OSBPL5: variants seen among roughly 807,000 people sequenced by gnomAD.
The protein encoded by OSBPL5 is oxysterol binding protein like 5.
OSBPL5 carries 71 observed loss-of-function variants against 111.2 expected under a neutral mutation model. The observed-to-expected ratio is 0.64, with a 90% CI of 0.53 to 0.78. The LOEUF is 0.78. Ranked by LOEUF, OSBPL5 falls within the 30% of genes least tolerant of loss-of-function variation. The pLI, the probability that OSBPL5 is intolerant of heterozygous loss-of-function variation, is 0.00. For missense variants in OSBPL5, 1,210 were observed against 1,189.3 expected, an observed-to-expected ratio of 1.02 and a Z score of -0.26; for synonymous variants, 549 against 513.9, an observed-to-expected ratio of 1.07 and a Z score of -0.93.
intron 21 of OSBPL5, among the ~76,000 whole-genome samples, chr11:3,089,452 C>G (rs1416536559): frequency 2.0e-5 from 3 of 152,324 alleles, no homozygotes; most frequent in Admixed American, 6.5e-5. Context: ...CCTTCCCCAG[C>G]CATTCCTGAG....
rs143074142 is a variant in OSBPL5 at position 3,108,530 on chromosome 11, C to T, written c.692-585G>A. Among the ~76,000 whole-genome samples the T allele has an allele frequency of 2.4e-3, 365 of 152,264 alleles. 3 individuals carry two copies. Among genetic ancestry groups the T allele is most frequent in the Middle Eastern group, 0.017 (5 of 294 alleles). ...GGGAGGAGACCTGCCTGAGGCCGCC[C>T]AGAGGCTCTGTGGGCAGCGGTGGAG... On this transcript the variant is annotated intron_variant, in intron 7 of 21. Coordinates refer to ENST00000263650, the MANE Select transcript of OSBPL5 (RefSeq NM_020896.4).
intron 11 of OSBPL5, 111 bp from the exon 12 acceptor site, chr11:3,102,392 G>T: frequency 1.0e-6 from 1 of 962,950 alleles, no homozygotes; most frequent in Non-Finnish European, 1.6e-6. Flanking sequence ...CCCGCTGCCT[G>T]CTGGCCTGGT....
At position 3,094,350 on chromosome 11, in the gene OSBPL5, TG is replaced by T. The variant is rs758045911; in HGVS notation, c.1622-17del. ...TACAGGATTCCTGAAATGCAGCCAG[TG>T]TCAGGGGCCAGGCGGCCCCAGCCCT... is the stretch of plus-strand genomic sequence containing the variant. On this transcript the variant is annotated splice_polypyrimidine_tract_variant and intron_variant, in intron 14 of 21. Coordinates refer to ENST00000263650, the MANE Select transcript of OSBPL5 (RefSeq NM_020896.4). The T allele has an allele frequency of 6.8e-6, 11 of 1,608,888 alleles. No homozygotes were observed. The African/African-American group carries it at 1.5e-4, about 22-fold the overall frequency.
chr11:3,101,474 C>T, intron 13 of OSBPL5, 129 bp downstream of exon 13: 3 of 849,636 alleles, frequency 3.5e-6, no homozygotes, highest in Non-Finnish European at 5.5e-6. Context: ...CACATGGTCT[C>T]TGACTAGGAG....
intron 7 of OSBPL5, among the ~76,000 whole-genome samples, chr11:3,112,468 G>GTT (rs774024122): frequency 8.5e-6 from 1 of 117,646 alleles, no homozygotes; most frequent in African/African-American, 3.9e-5. Flanking sequence ...CCTGTTTTGT[G>GTT]TTTTCTTTTC....
At chr11:3,133,549 G>A (rs1291160465) in intron 1 of OSBPL5, among the ~76,000 whole-genome samples, 3 of 150,920 alleles carry the variant, frequency 2.0e-5, no homozygotes, top group Admixed American at 6.6e-5. Flanking sequence ...CGCTCTCAGC[G>A]GCCTCCATGC....
chr11:3,148,824 C>T (rs966080738), intron 1 of OSBPL5, among the ~76,000 whole-genome samples: 3 of 152,198 alleles, frequency 2.0e-5, no homozygotes, highest in African/African-American at 7.2e-5. Context: ...TGACAACCAG[C>T]TAGATAAGAG....
In OSBPL5 at chr11:3,106,571, T is replaced by C. The variant is rs1299537747; in HGVS notation, c.1059+692A>G. Among the ~76,000 whole-genome samples, 4 of 152,174 alleles carry C rather than the reference T, an allele frequency of 2.6e-5. No individual in the cohort carries two copies. The highest frequency in any genetic ancestry group is 9.7e-5 in the African/African-American group (4 of 41,438). On this transcript the variant is annotated intron_variant, in intron 9 of 21. Coordinates refer to ENST00000263650, the MANE Select transcript of OSBPL5 (RefSeq NM_020896.4). This position sits in a 1 kb window ranked among gnomAD's most constrained non-coding sequence, Gnocchi z 8.4. ...GCTGCGGGGAGTCAGCTGCCCTGGC[T>C]GTTCATCTGCAGGCATGCTCTGGGG...
chr11:3,101,458 G>C (rs1857452106), intron 13 of OSBPL5, 145 bp downstream of exon 13: 1 of 763,502 alleles, frequency 1.3e-6, no homozygotes, highest in African/African-American at 1.8e-5. Context: ...CTCAGCACCT[G>C]ACCACCACAT....
chr11:3,098,395 C>T (rs1009880871), intron 14 of OSBPL5, among the ~76,000 whole-genome samples: 9 of 149,238 alleles, frequency 6.0e-5, no homozygotes, highest in African/African-American at 1.5e-4. Context: ...ATCAAAGCCA[C>T]GAAACCTCAG....
intron 12 of OSBPL5, 56 bp downstream of exon 12, chr11:3,102,127 G>T: frequency 1.3e-6 from 2 of 1,498,498 alleles, no homozygotes; most frequent in Non-Finnish European, 1.8e-6. Flanking sequence ...CGCCCCCACA[G>T]AGCCCCGCCC....
intron 7 of OSBPL5, among the ~76,000 whole-genome samples, chr11:3,115,648 C>T (rs1858183242): frequency 1.3e-5 from 2 of 152,200 alleles, no homozygotes; most frequent in Admixed American, 1.3e-4. Context: ...CACACTGATG[C>T]AAGACTAGCA....
intron 7 of OSBPL5, among the ~76,000 whole-genome samples, chr11:3,112,047 ATGTG>A (rs879725015): frequency 3.0e-5 from 2 of 66,808 alleles, no homozygotes; most frequent in Non-Finnish European, 5.7e-5. Flanking sequence ...GTGTGCGCGC[ATGTG>A]TGTGCATGTG....
chr11:3,107,398 G>A lies in OSBPL5; in HGVS notation c.924C>T (p.Asn308=). ...DAFSDKSERE[N]PEESDTETQD... is the part of the protein sequence containing the mutation. ...GGGTCTCGGTATCTGACTCCTCAGG[G>A]TTCTCTCTCTCCGACTTGTCTGAGA... is the stretch of plus-strand genomic sequence containing the variant. Residue 308 remains asparagine (N), a synonymous_variant, in exon 9 of 22, where the codon AAC becomes AAT. Coordinates refer to ENST00000263650, the MANE Select transcript of OSBPL5 (RefSeq NM_020896.4). The surrounding 1 kb of genome is among the most constrained non-coding windows in gnomAD (Gnocchi z 6.1). 1 of 1,614,024 alleles carries A rather than the reference G, an allele frequency of 6.2e-7. No homozygotes were observed.
chr11:3,093,507 T>C lies in OSBPL5; in HGVS notation c.1946+20A>G. 1.2e-6 allele frequency: 2 copies of C among 1,603,404 alleles called. No homozygotes were observed. Among genetic ancestry groups the C allele is most frequent in the Non-Finnish European group, 1.7e-6 (2 of 1,178,136 alleles). On this transcript the variant is annotated intron_variant, in intron 17 of 21. Transcript: ENST00000263650. ...GTCAGGCTGTGGTCAGCAGGGTCCC[T>C]GGGCGCTGACAGGCCTCACCTCTCG...
intron 3 of OSBPL5, among the ~76,000 whole-genome samples, chr11:3,123,910 G>A (rs7939744): frequency 0.014 from 2,076 of 152,298 alleles, 24 homozygotes; most frequent in Middle Eastern, 0.024. Context: ...ACCGTTCCAC[G>A]GACTGGCGGT....
At chr11:3,099,840 G>A (rs556856633) in intron 14 of OSBPL5, among the ~76,000 whole-genome samples, 7 of 152,156 alleles carry the variant, frequency 4.6e-5, no homozygotes, top group Admixed American at 1.3e-4. Context: ...AGGCCGAGGC[G>A]GGCGGATCAC....
rs1365186898 is a variant in OSBPL5 at position 3,161,613 on chromosome 11, CAG to C, written c.-22+3601_-22+3602del. Reference sequence around the variant, plus strand: ...ACTTGCAGGCAACCGTGCATGGGGACAGACACCGCGCACCAGCGGCACCCACC... The same window carrying C: ...ACTTGCAGGCAACCGTGCATGGGGACACACCGCGCACCAGCGGCACCCACC... On this transcript the variant is annotated intron_variant, in intron 1 of 21. Coordinates refer to ENST00000263650, the MANE Select transcript of OSBPL5 (RefSeq NM_020896.4). This position sits in a 1 kb window ranked among gnomAD's most constrained non-coding sequence, Gnocchi z 8.0. Among the ~76,000 whole-genome samples the C allele has an allele frequency of 6.6e-6, 1 of 152,200 alleles. No individual in the cohort carries two copies. The highest frequency in any genetic ancestry group is 1.5e-5 in the Non-Finnish European group (1 of 68,032).
At chr11:3,159,885 G>C (rs1846901299) in intron 1 of OSBPL5, among the ~76,000 whole-genome samples, 1 of 152,166 alleles carries the variant, frequency 6.6e-6, no homozygotes, top group African/African-American at 2.4e-5. Context: ...CTTTACAGAC[G>C]GGGTAACCAA....
Sources: allele counts gnomAD v4.1 joint callset (sites outside exome capture counted in the v4.1 genomes callset), GRCh38; gene constraint gnomAD v4.1.1; non-coding constraint Gnocchi (gnomAD v3.1); transcripts MANE v1.5; gene names NCBI Gene and HGNC (gene_info 2026-07-23, HGNC 2026-07-21).